DUSP4: variants seen among roughly 807,000 people sequenced by gnomAD.
The protein encoded by DUSP4 is dual specificity phosphatase 4.
DUSP4 carries 12 observed loss-of-function variants against 27.2 expected under a neutral mutation model. The ratio of observed to expected loss-of-function variants is 0.44; its 90% CI spans 0.28 to 0.71. DUSP4 has a LOEUF of 0.71. Among genes scored for constraint, DUSP4 ranks in the 30% least tolerant of loss-of-function variants. The pLI is 0.14. For missense variants in DUSP4, 448 were observed against 551.3 expected, an observed-to-expected ratio of 0.81 and a Z score of 1.88; for synonymous variants, 257 against 245.2, an observed-to-expected ratio of 1.05 and a Z score of -0.45.
At chr8:29,340,075 C>T (rs1435792242) in intron 2 of DUSP4, 23 bp downstream of exon 2, 3 of 1,552,274 alleles carry the variant, frequency 1.9e-6, no homozygotes, top group South Asian at 2.4e-5. Context: ...CCCCCACTTC[C>T]AAGCCCTGCC....
At position 29,350,045 on chromosome 8, in the gene DUSP4, C is replaced by T. The variant is rs977078111; in HGVS notation, c.234G>A (p.Lys78=). ...RCNTIVRRRA[K]GSVSLEQILP... ...GGATCTGCTCCAGGCTCACGGAGCC[C>T]TTAGCCCGCCGCCGCACGATGGTGT... Residue 78 remains lysine, a synonymous_variant, in exon 1 of 4, where the codon AAG becomes AAA. Coordinates refer to ENST00000240100, the MANE Select transcript of DUSP4 (RefSeq NM_001394.7). 41 of 1,596,080 alleles carry T rather than the reference C, an allele frequency of 2.6e-5. No homozygotes were observed. The highest frequency in any genetic ancestry group is 3.3e-5 in the Non-Finnish European group (39 of 1,173,140).
At chr8:29,349,822 C>G (rs993809858) in intron 1 of DUSP4, 24 bp downstream of exon 1, 2 of 1,475,940 alleles carry the variant, frequency 1.4e-6, no homozygotes, top group African/African-American at 1.4e-5. Flanking sequence ...CCGACTCCAG[C>G]TAGCGCCCGG....
chr8:29,345,635 T>C, intron 1 of DUSP4: 2 of 1,490,552 alleles, frequency 1.3e-6, no homozygotes, highest in Non-Finnish European at 1.8e-6. Flanking sequence ...CTCGGGAAAG[T>C]GGCCACCCTT....
chr8:29,345,812 C>A, intron 1 of DUSP4: 1 of 1,192,210 alleles, frequency 8.4e-7, no homozygotes, highest in Non-Finnish European at 1.0e-6. Context: ...TTGGAGACAT[C>A]CAATGTAAAT....
intron 1 of DUSP4, among the ~76,000 whole-genome samples, chr8:29,346,238 C>G (rs1275467438): frequency 6.6e-6 from 1 of 152,110 alleles, no homozygotes; most frequent in Non-Finnish European, 1.5e-5. Flanking sequence ...CTATCCGGTA[C>G]TATAGGGTGA....
chr8:29,345,837 T>G (rs945659180), intron 1 of DUSP4: 12 of 1,093,894 alleles, frequency 1.1e-5, no homozygotes, highest in Non-Finnish European at 1.3e-5. Flanking sequence ...TCTAACATAG[T>G]GAGTTTGCTT....
intron 1 of DUSP4, chr8:29,348,860 G>T: frequency 1.1e-6 from 1 of 923,716 alleles, no homozygotes; most frequent in Non-Finnish European, 1.3e-6. Context: ...GCGGAATGCG[G>T]CGGCGGGAGG....
At chr8:29,347,840 C>G (rs554818201) in intron 1 of DUSP4, 7 of 985,628 alleles carry the variant, frequency 7.1e-6, no homozygotes, top group South Asian at 9.4e-5. Context: ...ATCTCCAGGG[C>G]TCTCGAATCG....
Position 29,336,078 on chromosome 8 carries a change from C to A in DUSP4, c.*948G>T, listed in dbSNP as rs544228738. ...CCTTGGCAACATAGTGAGATGCTGT[C>A]TTTTTTTTTCTTTTCTTTTTTTTTA... On this transcript the variant is annotated 3_prime_UTR_variant, in exon 4 of 4. Coordinates refer to ENST00000240100, the MANE Select transcript of DUSP4 (RefSeq NM_001394.7). 6.7e-6 allele frequency: 1 copy of A among 148,452 alleles called. No individual in the cohort carries two copies. The highest frequency in any genetic ancestry group is 1.5e-5 in the Non-Finnish European group (1 of 67,716). 9.2% of individuals were successfully genotyped at this position (148,452 alleles called of 1,614,324 possible). A position where few individuals can be genotyped will look rare whatever the true frequency, so the allele number is the denominator to read the frequency against.
In DUSP4 at chr8:29,337,472, C is replaced by T. The variant is rs1015728886; in HGVS notation, c.800-61G>A. The T allele has an allele frequency of 2.4e-5, 36 of 1,522,198 alleles. No individual in the cohort carries two copies. The African/African-American group carries it at 3.2e-4, about 13-fold the overall frequency. 94.3% of individuals were successfully genotyped at this position (1,522,198 alleles called of 1,614,324 possible). On this transcript the variant is annotated intron_variant, in intron 3 of 3. Transcript: ENST00000240100. The surrounding 1 kb of genome is among the most constrained non-coding windows in gnomAD (Gnocchi z 6.4). ...TGCAGACCCCAGCCCCGACCAGGGG[C>T]ACCGGCCAGCCCCTGGGGTCGGGGG...
intron 2 of DUSP4, among the ~76,000 whole-genome samples, chr8:29,339,834 C>A (rs1226853800): frequency 7.2e-6 from 1 of 138,698 alleles, no homozygotes; most frequent in Non-Finnish European, 1.6e-5. Flanking sequence ...CAAGACCCCC[C>A]CCCCCCATCT....
Position 29,340,260 on chromosome 8 carries a change from A to C in DUSP4, c.434-17T>G. The C allele has an allele frequency of 6.3e-7, 1 of 1,599,218 alleles. No homozygotes were observed. Among genetic ancestry groups the C allele is most frequent in the Non-Finnish European group, 8.5e-7 (1 of 1,172,648 alleles). The stretch of plus-strand genomic sequence containing the variant: ...CATAGCCGCCTGTAAAGGAGAAAGA[A>C]GCTCAGGTTAATGGGGTCACTAAGC... On this transcript the variant is annotated splice_polypyrimidine_tract_variant and intron_variant, in intron 1 of 3. Transcript: ENST00000240100.
At chr8:29,349,352 G>C (rs1402692191) in intron 1 of DUSP4, among the ~76,000 whole-genome samples, 1 of 152,256 alleles carries the variant, frequency 6.6e-6, no homozygotes, top group Non-Finnish European at 1.5e-5. Context: ...GCATTTGCCA[G>C]GGTCTTGTTT....
chr8:29,350,346 G>A lies in DUSP4; in HGVS notation c.-68C>T. ...GAGAACCCGGGCCGCCTAGGCTGCA[G>A]AAAGGGGCGGGCGAGAGCTAAGAAG... On this transcript the variant is annotated 5_prime_UTR_variant, in exon 1 of 4. Coordinates refer to ENST00000240100, the MANE Select transcript of DUSP4 (RefSeq NM_001394.7). The A allele has an allele frequency of 1.3e-6, 2 of 1,495,042 alleles. No individual in the cohort carries two copies. Among genetic ancestry groups the A allele is most frequent in the Non-Finnish European group, 1.8e-6 (2 of 1,127,178 alleles). 92.6% of individuals were successfully genotyped at this position (1,495,042 alleles called of 1,614,324 possible). A position where few individuals can be genotyped will look rare whatever the true frequency, so the allele number is the denominator to read the frequency against.
rs1035363456 is a variant in DUSP4 at position 29,350,147 on chromosome 8, CTTGCCGCCGCTCGGCAGCCCCAGG to C, written c.108_131del (p.Leu37_Lys44del). 6.2e-7 allele frequency: 1 copy of C among 1,609,382 alleles called. No homozygotes were observed. The highest frequency in any genetic ancestry group is 8.5e-7 in the Non-Finnish European group (1 of 1,179,258). ...ACGGTCTGCAGTCCAGCAGCAGGCACTTGCCGCCGCTCGGCAGCCCCAGGGTGCCGTGGCTGCCGCTGCCGCCCG... is the reference window on the plus strand; with the variant it reads ...ACGGTCTGCAGTCCAGCAGCAGGCACGTGCCGTGGCTGCCGCTGCCGCCCG... On this transcript the variant is annotated inframe_deletion, in exon 1 of 4. Coordinates refer to ENST00000240100, the MANE Select transcript of DUSP4 (RefSeq NM_001394.7).
At chr8:29,345,801 G>A in intron 1 of DUSP4, 3 of 1,216,274 alleles carry the variant, frequency 2.5e-6, no homozygotes, top group South Asian at 2.6e-5. Context: ...ACTTTTGTTA[G>A]TTGGAGACAT....
In DUSP4 at chr8:29,337,258, G is replaced by A; in HGVS notation, c.953C>T (p.Ser318Leu). 3 of 1,613,816 alleles carry A rather than the reference G, an allele frequency of 1.9e-6. No homozygotes were observed. Among genetic ancestry groups the A allele is most frequent in the East Asian group, 2.2e-5 (1 of 44,884 alleles). ...EFVKQRRSII[S>L]PNFSFMGQLL... ...CTGCCCCATGAAGCTGAAGTTGGGC[G>A]AGATGATGCTGCGGCGCTGCTTAAC... is the stretch of plus-strand genomic sequence containing the variant. Residue 318 changes from serine to leucine, a missense_variant, in exon 4 of 4, where the codon TCG (serine) becomes TTG (leucine). Transcript: ENST00000240100. The surrounding 1 kb of genome is among the most constrained non-coding windows in gnomAD (Gnocchi z 6.4).
intron 1 of DUSP4, chr8:29,348,620 C>T: frequency 1.0e-6 from 1 of 985,550 alleles, no homozygotes; most frequent in South Asian, 4.7e-5. Flanking sequence ...GAACCCGGCT[C>T]CTCCGCACTG....
At position 29,333,829 on chromosome 8, in the gene DUSP4, T is replaced by C. The variant is rs1453829148; in HGVS notation, c.*3197A>G. 6.6e-6 allele frequency: 1 copy of C among 152,252 alleles called. No individual in the cohort carries two copies. Among genetic ancestry groups the C allele is most frequent in the Non-Finnish European group, 1.5e-5 (1 of 68,086 alleles). The allele number at this position is 152,252 out of a possible 1,614,324, so 9.4% of individuals were successfully genotyped here. ...CATGGCTTTACTACTACAGGCTTGG[T>C]TGATGGCCAATTCCCAATCTCCAGC... On this transcript the variant is annotated 3_prime_UTR_variant, in exon 4 of 4. Coordinates refer to ENST00000240100, the MANE Select transcript of DUSP4 (RefSeq NM_001394.7).
Sources: allele counts gnomAD v4.1 joint callset (sites outside exome capture counted in the v4.1 genomes callset), GRCh38; gene constraint gnomAD v4.1.1; non-coding constraint Gnocchi (gnomAD v3.1); transcripts MANE v1.5; gene names NCBI Gene and HGNC (gene_info 2026-07-23, HGNC 2026-07-21).